Variants in JHY observed in about 807,000 individuals in gnomAD.
The protein encoded by JHY is junctional cadherin complex regulator.
In JHY, 69 loss-of-function variants were observed where a neutral mutation model predicts 78.0. That is an observed-to-expected ratio of 0.88 (90% CI 0.73 to 1.08). The LOEUF is 1.08. JHY is among the 50% of genes least tolerant of loss of function. The probability of loss-of-function intolerance (pLI) is 0.00; values close to 1 mark genes in which losing one functional copy is unlikely to be tolerated. For synonymous variants in JHY, 368 were observed against 342.6 expected (o/e 1.07, Z -0.82); for missense variants, 944 against 927.8 (o/e 1.02, Z -0.23).
chr11:122,924,531 A>T (rs1863451213), intron 3 of JHY, among the ~76,000 whole-genome samples: 1 of 152,214 alleles, frequency 6.6e-6, no homozygotes, highest in African/African-American at 2.4e-5. Flanking sequence ...TGTCGTCATC[A>T]TCTTGGCGTA....
At chr11:122,949,653 AC>A (rs2135376564) in intron 6 of JHY, among the ~76,000 whole-genome samples, 1 of 151,262 alleles carries the variant, frequency 6.6e-6, no homozygotes, top group Admixed American at 6.6e-5. Flanking sequence ...TCCTTCACAT[AC>A]CCCCACCTGG....
chr11:122,916,495 T>A (rs1863236889), intron 3 of JHY, among the ~76,000 whole-genome samples: 2 of 152,248 alleles, frequency 1.3e-5, no homozygotes, highest in South Asian at 4.1e-4. Context: ...TTCATTGTTT[T>A]TCTTGCATCA....
intron 8 of JHY, among the ~76,000 whole-genome samples, chr11:122,958,490 G>A (rs922201352): frequency 4.6e-5 from 7 of 151,502 alleles, no homozygotes; most frequent in African/African-American, 1.7e-4. Context: ...AGAAATATCT[G>A]TAGCATTCAC....
chr11:122,897,064 C>T (rs1341715660), intron 2 of JHY, among the ~76,000 whole-genome samples: 2 of 151,670 alleles, frequency 1.3e-5, no homozygotes, highest in Non-Finnish European at 2.9e-5. Context: ...ACCATGTTGG[C>T]CGTGCTGATC....
At chr11:122,891,465 A>T (rs1862612729) in intron 2 of JHY, among the ~76,000 whole-genome samples, 1 of 152,084 alleles carries the variant, frequency 6.6e-6, no homozygotes, top group Non-Finnish European at 1.5e-5. Context: ...CCACTCCAGA[A>T]CTGGCCTTAT....
At chr11:122,904,567 AAC>A in intron 3 of JHY, 123 bp downstream of exon 3, 1 of 1,105,352 alleles carries the variant, frequency 9.0e-7, no homozygotes, top group Non-Finnish European at 1.3e-6. Context: ...AGCTGGGTAA[AAC>A]AAACGCTTCC....
Position 122,957,352 on chromosome 11 carries a change from TC to T in JHY, c.2011-10del, listed in dbSNP as rs779019213. On this transcript the variant is annotated splice_polypyrimidine_tract_variant and intron_variant, in intron 7 of 8. Transcript: ENST00000227349. ...CACCTGGATTCATCATAACTTTGTT[TC>T]TCTGAACAGACGCAAAAATTAATAC... 6.6e-7 allele frequency: 1 copy of T among 1,520,248 alleles called. No homozygotes were observed. The highest frequency in any genetic ancestry group is 8.7e-7 in the Non-Finnish European group (1 of 1,147,200). The allele number at this position is 1,520,248 out of a possible 1,614,324, so 94.2% of individuals were successfully genotyped here. A position where few individuals can be genotyped will look rare whatever the true frequency, so the allele number is the denominator to read the frequency against.
chr11:122,907,576 G>A (rs1863021647), intron 3 of JHY, among the ~76,000 whole-genome samples: 1 of 152,060 alleles, frequency 6.6e-6, no homozygotes, highest in Non-Finnish European at 1.5e-5. Flanking sequence ...CAGGTGCGGT[G>A]GCTCACGCCT....
At chr11:122,885,733 A>C (rs1251125709) in intron 1 of JHY, 28 bp from the exon 2 acceptor site, 1 of 733,058 alleles carries the variant, frequency 1.4e-6, no homozygotes, top group African/African-American at 1.8e-5. Context: ...TAGTGGTCGC[A>C]GAGTAACATA....
intron 3 of JHY, among the ~76,000 whole-genome samples, chr11:122,910,343 C>T (rs780288477): frequency 2.9e-4 from 44 of 151,884 alleles, no homozygotes; most frequent in African/African-American, 4.4e-4. Context: ...GGCATCGTGA[C>T]GGGTGCCTCT....
rs1209870304 is a variant in JHY, at chr11:122,917,464, G to C, written c.865-7433G>C. Among the ~76,000 whole-genome samples the C allele has an allele frequency of 6.6e-6, 1 of 152,178 alleles. No individual in the cohort carries two copies. Among genetic ancestry groups the C allele is most frequent in the African/African-American group, 2.4e-5 (1 of 41,442 alleles). On this transcript the variant is annotated intron_variant, in intron 3 of 8. Coordinates refer to ENST00000227349, the MANE Select transcript of JHY (RefSeq NM_024806.4). This position sits in a 1 kb window ranked among gnomAD's most constrained non-coding sequence, Gnocchi z 4.1. The stretch of plus-strand genomic sequence containing the variant: ...TCTCATATTGTGTTCCTTGGACCAG[G>C]AGCATCATCATCACCTGGGAACTTA...
rs182197095 is a variant in JHY, at chr11:122,936,089, G to A, written c.1634+1014G>A. Among the ~76,000 whole-genome samples, 235 of 152,290 alleles carry A rather than the reference G, an allele frequency of 1.5e-3. 1 individual carries two copies. Among genetic ancestry groups the A allele is most frequent in the African/African-American group, 5.3e-3 (221 of 41,564 alleles). The stretch of plus-strand genomic sequence containing the variant: ...TTTCAGAACAGTTCAAGTTCCCCAC[G>A]ATGTAGATGTATAACTTCTATAAAC... On this transcript the variant is annotated intron_variant, in intron 5 of 8. Coordinates refer to ENST00000227349, the MANE Select transcript of JHY (RefSeq NM_024806.4).
chr11:122,960,084 A>C lies in JHY; in HGVS notation c.*639A>C, dbSNP rs757955404. ...CCCCATCTCTACTAAAAATACAAAA[A>C]TTAGCTAGGCGTGGTGGCGCATGTC... On this transcript the variant is annotated 3_prime_UTR_variant, in exon 9 of 9. Transcript: ENST00000227349. Among the ~76,000 whole-genome samples, 3 of 152,072 alleles carry C rather than the reference A, an allele frequency of 2.0e-5. No individual in the cohort carries two copies. The highest frequency in any genetic ancestry group is 2.9e-5 in the Non-Finnish European group (2 of 68,012).
At chr11:122,950,544 T>A (rs1170365158) in intron 6 of JHY, among the ~76,000 whole-genome samples, 2 of 152,176 alleles carry the variant, frequency 1.3e-5, no homozygotes, top group Non-Finnish European at 2.9e-5. Context: ...GTTCCCAATA[T>A]CTCTTATGAC....
Position 122,935,073 on chromosome 11 carries a change from A to G in JHY, c.1632A>G (p.Leu544=), listed in dbSNP as rs1863724969. ...CAAAATACAGGAACTTAGAAATGTT[A>G]TGGTAAGAATTCCCTTTTCTCAAGT... The part of the protein sequence containing the change: ...TETKYRNLEM[L]WKFHSSSDSQ... The change falls in exon 5 of 9, where the codon TTA becomes TTG. Residue 544 remains leucine, a splice_region_variant and synonymous_variant. Transcript: ENST00000227349. The surrounding 1 kb of genome is among the most constrained non-coding windows in gnomAD (Gnocchi z 4.5). 2.6e-6 allele frequency: 4 copies of G among 1,561,606 alleles called. No individual in the cohort carries two copies. The highest frequency in any genetic ancestry group is 3.5e-6 in the Non-Finnish European group (4 of 1,157,830).
chr11:122,923,936 G>A (rs1356673805), intron 3 of JHY, among the ~76,000 whole-genome samples: 12 of 129,046 alleles, frequency 9.3e-5, no homozygotes, highest in African/African-American at 3.6e-4. Flanking sequence ...ATAGGGTTTC[G>A]CCATCTTGGC....
chr11:122,907,076 C>T (rs1863008737), intron 3 of JHY, among the ~76,000 whole-genome samples: 1 of 152,116 alleles, frequency 6.6e-6, no homozygotes, highest in African/African-American at 2.4e-5. Flanking sequence ...CAGCCTTGAA[C>T]TCCTGGGCTC....
At chr11:122,894,413 T>C (rs1421804981) in intron 2 of JHY, among the ~76,000 whole-genome samples, 2 of 152,184 alleles carry the variant, frequency 1.3e-5, no homozygotes, top group Non-Finnish European at 2.9e-5. Context: ...GCACATTTTA[T>C]AAATCTAGGT....
intron 5 of JHY, among the ~76,000 whole-genome samples, chr11:122,943,843 G>A (rs1249892560): frequency 6.6e-6 from 1 of 152,058 alleles, no homozygotes; most frequent in African/African-American, 2.4e-5. Flanking sequence ...TGATTTAAGT[G>A]AGTCTCTTTT....
Sources: allele counts gnomAD v4.1 joint callset (sites outside exome capture counted in the v4.1 genomes callset), GRCh38; gene constraint gnomAD v4.1.1; non-coding constraint Gnocchi (gnomAD v3.1); transcripts MANE v1.5; gene names NCBI Gene and HGNC (gene_info 2026-07-23, HGNC 2026-07-21).